The following DLGAP1 variants were observed in gnomAD, a reference collection of about 807,000 sequenced individuals.
DLGAP1 encodes disks large-associated protein 1.
Under a neutral mutation model 90.8 loss-of-function variants are expected in DLGAP1, and 11 were observed. That is an observed-to-expected ratio of 0.12 (90% CI 0.08 to 0.20). The LOEUF (loss-of-function observed/expected upper bound fraction) is 0.20. Among genes scored for constraint, DLGAP1 ranks in the 10% least tolerant of loss-of-function variants. The probability of loss-of-function intolerance (pLI) is 1.00; values close to 1 mark genes in which losing one functional copy is unlikely to be tolerated. For synonymous variants in DLGAP1, 558 were observed against 540.7 expected, an observed-to-expected ratio of 1.03 and a Z score of -0.44; for missense variants, 1,050 against 1,333.8, an observed-to-expected ratio of 0.79 and a Z score of 3.31.
At chr18:3,779,794 C>CTT (rs1370282007) in intron 5 of DLGAP1, among the ~76,000 whole-genome samples, 1 of 130,076 alleles carries the variant, frequency 7.7e-6, no homozygotes. Context: ...TCTTTCTTTT[C>CTT]TTTTTTTTTT....
intron 9 of DLGAP1, among the ~76,000 whole-genome samples, chr18:3,562,232 AAAT>A (rs1028660304): frequency 6.6e-6 from 1 of 151,896 alleles, no homozygotes; most frequent in Non-Finnish European, 1.5e-5. Flanking sequence ...CCGTCTCAAA[AAAT>A]AATAATAATA....
chr18:3,599,521 C>G (rs545109334), intron 7 of DLGAP1, among the ~76,000 whole-genome samples: 5 of 152,230 alleles, frequency 3.3e-5, no homozygotes, highest in African/African-American at 1.2e-4. Flanking sequence ...GAGCTCTGTG[C>G]TAACTAAGCC....
At chr18:4,296,948 T>A (rs1412771995) in intron 1 of DLGAP1, among the ~76,000 whole-genome samples, 2 of 152,152 alleles carry the variant, frequency 1.3e-5, no homozygotes, top group Non-Finnish European at 2.9e-5. Context: ...TCCCCAGAAG[T>A]GATGCATCAT....
Position 3,871,934 on chromosome 18 carries a change from A to C in DLGAP1, c.957+7178T>G, listed in dbSNP as rs535918037. Among the ~76,000 whole-genome samples, 31 of 152,326 alleles carry C rather than the reference A, an allele frequency of 2.0e-4. No homozygotes were observed. In the South Asian group the frequency reaches 5.8e-3, roughly 29 times the overall value. On this transcript the variant is annotated intron_variant, in intron 4 of 12. Transcript: ENST00000315677. ...GCTCACATAATTCTGCTTCATAGAC[A>C]GTTCTGTGATATCACAAGCCTGATT...
chr18:4,327,720 C>T (rs1310985333), intron 1 of DLGAP1, among the ~76,000 whole-genome samples: 1 of 152,020 alleles, frequency 6.6e-6, no homozygotes, highest in Non-Finnish European at 1.5e-5. Context: ...AGCTCTCTTG[C>T]ATCCATTAGT....
chr18:4,008,924 A>G (rs11081084), intron 2 of DLGAP1, among the ~76,000 whole-genome samples: 30,163 of 151,538 alleles, frequency 0.2, 3,092 homozygotes, highest in Non-Finnish European at 0.23. Context: ...TTGTTTTTGA[A>G]ACGGAGTCTC....
At chr18:3,857,507 G>A (rs995836240) in intron 4 of DLGAP1, among the ~76,000 whole-genome samples, 11 of 149,492 alleles carry the variant, frequency 7.4e-5, no homozygotes, top group Non-Finnish European at 1.5e-5. Flanking sequence ...GGCATGTGCA[G>A]TAGTTACTTC....
chr18:3,506,590 T>C (rs2050242333), intron 11 of DLGAP1, among the ~76,000 whole-genome samples: 1 of 151,636 alleles, frequency 6.6e-6, no homozygotes, highest in Admixed American at 6.6e-5. Flanking sequence ...TTTTCAAAAC[T>C]TTTGTTTGCA....
At chr18:3,982,237 G>A (rs115259946) in intron 3 of DLGAP1, among the ~76,000 whole-genome samples, 2,655 of 152,196 alleles carry the variant, frequency 0.017, 74 homozygotes, top group African/African-American at 0.061. Flanking sequence ...TTTTCACCTT[G>A]CTTTTCAGGA....
intron 7 of DLGAP1, among the ~76,000 whole-genome samples, chr18:3,723,151 G>T (rs1171654253): frequency 6.6e-6 from 1 of 152,142 alleles, no homozygotes; most frequent in African/African-American, 2.4e-5. Context: ...TACTCTGCAG[G>T]AACTATTCAA....
Position 4,342,926 on chromosome 18 carries a change from A to C in DLGAP1, c.-267+112080T>G, listed in dbSNP as rs1442207293. Among the ~76,000 whole-genome samples, 1 of 152,162 alleles carries C rather than the reference A, an allele frequency of 6.6e-6. No individual in the cohort carries two copies. The highest frequency in any genetic ancestry group is 1.9e-4 in the East Asian group (1 of 5,192). ...ATCTGAATATGAGAGATGAAGCCAAAATTTTTGGCTTTATAAAGCTCACGG... is the reference window on the plus strand; with the variant it reads ...ATCTGAATATGAGAGATGAAGCCAACATTTTTGGCTTTATAAAGCTCACGG... On this transcript the variant is annotated intron_variant, in intron 1 of 12. Coordinates refer to ENST00000315677, the MANE Select transcript of DLGAP1 (RefSeq NM_004746.4). The surrounding 1 kb of genome is among the most constrained non-coding windows in gnomAD (Gnocchi z 5.8).
intron 2 of DLGAP1, among the ~76,000 whole-genome samples, chr18:4,022,941 T>C (rs1280030371): frequency 2.9e-5 from 4 of 138,648 alleles, no homozygotes; most frequent in African/African-American, 1.1e-4. Flanking sequence ...AGCAGTAGAA[T>C]TGGTGGATTG....
rs766710053 is a variant in DLGAP1, at chr18:3,817,603, C to T, written c.958-3330G>A. ...GCTGAACTGTAAGGGCCATTAACAT[C>T]GATATAATCGAGTCAGTTTTTAGTT... On this transcript the variant is annotated intron_variant, in intron 4 of 12. Transcript: ENST00000315677. 5.9e-5 allele frequency among the ~76,000 whole-genome samples: 9 copies of T among 152,252 alleles called. No homozygotes were observed. In the Middle Eastern group the frequency reaches 0.01, roughly 173 times the overall value.
At chr18:4,123,066 G>A (rs1028542861) in intron 2 of DLGAP1, among the ~76,000 whole-genome samples, 4 of 152,160 alleles carry the variant, frequency 2.6e-5, no homozygotes, top group African/African-American at 9.7e-5. Context: ...CAGAAACCTT[G>A]TGTTTGCATT....
intron 2 of DLGAP1, among the ~76,000 whole-genome samples, chr18:4,020,305 T>C (rs2074588767): frequency 2.0e-5 from 3 of 152,210 alleles, no homozygotes; most frequent in Admixed American, 2.0e-4. Flanking sequence ...TTCAGATGGT[T>C]GTGAGGGGCC....
At chr18:3,838,096 T>C (rs1286806440) in intron 4 of DLGAP1, among the ~76,000 whole-genome samples, 1 of 152,090 alleles carries the variant, frequency 6.6e-6, no homozygotes. Context: ...AGAATAATAG[T>C]CAACTGTCTG....
rs188785768 is a variant in DLGAP1 at position 4,317,958 on chromosome 18, C to T, written c.-267+137048G>A. On this transcript the variant is annotated intron_variant, in intron 1 of 12. Transcript: ENST00000315677. ...CGCCTCGTGGGTTCAAACGATTCTC[C>T]GGCCTCAGCCTCCTGAGTAGCTGGG... Among the ~76,000 whole-genome samples, 575 of 152,226 alleles carry T rather than the reference C, an allele frequency of 3.8e-3. 6 individuals are homozygous for T. Among genetic ancestry groups the T allele is most frequent in the African/African-American group, 0.013 (539 of 41,554 alleles).
intron 3 of DLGAP1, among the ~76,000 whole-genome samples, chr18:3,976,788 A>G (rs909661278): frequency 6.6e-6 from 1 of 152,216 alleles, no homozygotes; most frequent in African/African-American, 2.4e-5. Context: ...TTGATTTTCA[A>G]AAACTCTGTA....
intron 2 of DLGAP1, among the ~76,000 whole-genome samples, chr18:4,127,783 G>A (rs73386719): frequency 0.22 from 33,571 of 151,994 alleles, 4,165 homozygotes; most frequent in African/African-American, 0.33. Context: ...AAAAATATTT[G>A]TCCCAGGTAT....
Sources: allele counts gnomAD v4.1 joint callset (sites outside exome capture counted in the v4.1 genomes callset), GRCh38; gene constraint gnomAD v4.1.1; non-coding constraint Gnocchi (gnomAD v3.1); transcripts MANE v1.5; gene names NCBI Gene and HGNC (gene_info 2026-07-23, HGNC 2026-07-21).